The following CALCRL variants were observed in gnomAD, a reference collection of about 807,000 sequenced individuals.
CALCRL encodes the protein calcitonin gene-related peptide type 1 receptor.
CALCRL carries 27 observed loss-of-function variants against 60.4 expected under a neutral mutation model. The observed-to-expected ratio is 0.45, with a 90% confidence interval of 0.33 to 0.62. The LOEUF is 0.62. Ranked by LOEUF, CALCRL falls within the 20% of genes least tolerant of loss-of-function variation. The pLI is 0.03. For synonymous variants in CALCRL, 190 were observed against 182.6 expected, an observed-to-expected ratio of 1.04 and a Z score of -0.33; for missense variants, 424 against 540.7, an observed-to-expected ratio of 0.78 and a Z score of 2.14.
Position 187,359,070 on chromosome 2 carries a change from G to A in CALCRL, c.902C>T (p.Ala301Val). ...GGAGAATTTGTTACATACCAGTAAA[G>A]CAGCACAAATTGGGCCATGGATAAT... ...LYIIHGPICA[A>V]LLVNLFFLLN... The change falls in exon 12 of 15, where the codon GCT (alanine) becomes GTT (valine). Residue 301 changes from alanine (A) to valine (V), a missense_variant. Transcript: ENST00000392370. 6.2e-7 allele frequency: 1 copy of A among 1,611,290 alleles called. No individual in the cohort carries two copies.
In CALCRL at chr2:187,378,966, G is replaced by T; in HGVS notation, c.474C>A (p.Ile158=). The T allele has an allele frequency of 6.2e-7, 1 of 1,604,388 alleles. No individual in the cohort carries two copies. Among genetic ancestry groups the T allele is most frequent in the Non-Finnish European group, 8.5e-7 (1 of 1,172,824 alleles). Reference sequence around the variant, plus strand: ...TGAAATAAAAGAATATGCCAAGCGAGATAAGCAGTGATGCAATAGACAATC... The same window carrying T: ...TGAAATAAAAGAATATGCCAAGCGATATAAGCAGTGATGCAATAGACAATC... ...GHGLSIASLL[I]SLGIFFYFKS... Residue 158 remains isoleucine, a synonymous_variant, in exon 8 of 15, where the codon ATC becomes ATA. Transcript: ENST00000392370.
chr2:187,443,134 GTA>G (rs1438618635), intron 1 of CALCRL, among the ~76,000 whole-genome samples: 1 of 151,796 alleles, frequency 6.6e-6, no homozygotes, highest in Non-Finnish European at 1.5e-5. Flanking sequence ...GTTCTGGCAT[GTA>G]TTGTATAATG....
At chr2:187,351,858 C>T in intron 14 of CALCRL, 62 bp downstream of exon 14, 1 of 1,011,478 alleles carries the variant, frequency 9.9e-7, no homozygotes, top group Non-Finnish European at 1.5e-6. Flanking sequence ...CATTTAAATA[C>T]ATGGATAGAT....
At chr2:187,375,278 C>A (rs369518077) in intron 8 of CALCRL, among the ~76,000 whole-genome samples, 202 of 115,304 alleles carry the variant, frequency 1.8e-3, no homozygotes, top group South Asian at 5.8e-3. Context: ...GACTCCGTCT[C>A]AAAAAAAAAA....
chr2:187,360,814 CTAGTT>C lies in CALCRL; in HGVS notation c.628-68_628-64del, dbSNP rs1202227201. ...ATGAATTCACATGTAAAGCAATACT[CTAGTT>C]TAGCTCAGGAAACATGGAACATTCT... On this transcript the variant is annotated intron_variant, in intron 9 of 14. Transcript: ENST00000392370. 41 of 1,448,258 alleles carry C rather than the reference CTAGTT, an allele frequency of 2.8e-5. No homozygotes were observed. The East Asian group carries it at 8.7e-4, about 31-fold the overall frequency. The allele number at this position is 1,448,258 out of a possible 1,614,324, so 89.7% of individuals were successfully genotyped here. A position where few individuals can be genotyped will look rare whatever the true frequency, so the allele number is the denominator to read the frequency against.
chr2:187,390,556 G>C (rs1688393304), intron 1 of CALCRL, among the ~76,000 whole-genome samples: 1 of 152,006 alleles, frequency 6.6e-6, no homozygotes, highest in African/African-American at 2.4e-5. Flanking sequence ...TATCTAATAG[G>C]CTTCAAAATC....
intron 1 of CALCRL, among the ~76,000 whole-genome samples, chr2:187,396,391 T>C (rs1241650716): frequency 2.0e-5 from 3 of 151,780 alleles, no homozygotes; most frequent in African/African-American, 7.2e-5. Flanking sequence ...TAAGTTCATG[T>C]ACCCTAAGCT....
chr2:187,445,989 A>G (rs1340408898), intron 1 of CALCRL, among the ~76,000 whole-genome samples: 1 of 151,638 alleles, frequency 6.6e-6, no homozygotes, highest in African/African-American at 2.4e-5. Context: ...ACATATTTTA[A>G]CTTTTAGTAT....
chr2:187,396,771 A>G (rs1416739983), intron 1 of CALCRL, among the ~76,000 whole-genome samples: 2 of 151,908 alleles, frequency 1.3e-5, no homozygotes, highest in African/African-American at 4.8e-5. Flanking sequence ...TAAAATCCAC[A>G]TTAAAATTCA....
chr2:187,421,395 T>C (rs1313015889), intron 1 of CALCRL, among the ~76,000 whole-genome samples: 2 of 152,184 alleles, frequency 1.3e-5, no homozygotes, highest in Non-Finnish European at 2.9e-5. Flanking sequence ...ACTTCCAGCA[T>C]CCTGGAAAGT....
At chr2:187,359,384 A>C in intron 10 of CALCRL, 112 bp from the exon 11 acceptor site, 1 of 675,238 alleles carries the variant, frequency 1.5e-6, no homozygotes, top group South Asian at 2.1e-5. Flanking sequence ...CAAAAAAACT[A>C]GCCACTATAT....
intron 8 of CALCRL, among the ~76,000 whole-genome samples, chr2:187,374,834 A>G (rs1258571015): frequency 6.6e-6 from 1 of 152,114 alleles, no homozygotes; most frequent in Non-Finnish European, 1.5e-5. Flanking sequence ...TATTTTCAAT[A>G]ACATCATGAC....
intron 1 of CALCRL, among the ~76,000 whole-genome samples, chr2:187,399,720 T>C (rs998700627): frequency 6.6e-6 from 1 of 151,284 alleles, no homozygotes. Flanking sequence ...CATCAGCAGA[T>C]GAATGGATAA....
chr2:187,392,511 C>A (rs952932878), intron 1 of CALCRL, among the ~76,000 whole-genome samples: 57 of 152,222 alleles, frequency 3.7e-4, no homozygotes, highest in Middle Eastern at 3.4e-3. Flanking sequence ...AAACACTCTA[C>A]TCCAATCGCA....
chr2:187,437,840 A>G (rs536598119), intron 1 of CALCRL, among the ~76,000 whole-genome samples: 208 of 152,182 alleles, frequency 1.4e-3, no homozygotes, highest in Middle Eastern at 6.3e-3. Flanking sequence ...ACAGAGAGTT[A>G]TTTAATCCAA....
intron 12 of CALCRL, among the ~76,000 whole-genome samples, chr2:187,353,768 C>G (rs1191597879): frequency 2.0e-5 from 3 of 151,878 alleles, no homozygotes; most frequent in Admixed American, 2.0e-4. Flanking sequence ...GATAATAATG[C>G]TCTTTTATCT....
chr2:187,385,691 T>C, intron 3 of CALCRL, 60 bp from the exon 4 acceptor site: 1 of 811,910 alleles, frequency 1.2e-6, no homozygotes, highest in Non-Finnish European at 2.0e-6. Flanking sequence ...ATGCAGATGA[T>C]TCTCAACAGA....
intron 1 of CALCRL, among the ~76,000 whole-genome samples, chr2:187,427,516 G>C (rs575673114): frequency 6.6e-6 from 1 of 152,092 alleles, no homozygotes; most frequent in Non-Finnish European, 1.5e-5. Flanking sequence ...AGGTATTATC[G>C]TCACTGCATA....
At chr2:187,406,664 TA>T (rs1689143300) in intron 1 of CALCRL, among the ~76,000 whole-genome samples, 1 of 152,016 alleles carries the variant, frequency 6.6e-6, no homozygotes, top group Non-Finnish European at 1.5e-5. Context: ...GTACTCAAAA[TA>T]AAGATCCAAT....
Sources: gnomAD v4.1 joint callset for allele counts (sites outside exome capture counted in the v4.1 genomes callset) on GRCh38, gnomAD v4.1.1 for gene constraint, MANE v1.5 for transcripts, NCBI Gene and HGNC (gene_info 2026-07-23, HGNC 2026-07-21) for gene names.